Variants in GRK5 observed in about 807,000 individuals in gnomAD.
The protein encoded by GRK5 is G protein-coupled receptor kinase 5, also known as g protein-coupled receptor kinase GRK5.
In GRK5, 40 loss-of-function variants were observed where a neutral mutation model predicts 78.4. The observed-to-expected ratio is 0.51, with a 90% CI of 0.40 to 0.66. The LOEUF is 0.66. Ranked by LOEUF, GRK5 falls within the 30% of genes least tolerant of loss-of-function variation. GRK5 has a pLI of 0.00. For missense variants in GRK5, 598 were observed against 759.9 expected, an observed-to-expected ratio of 0.79 and a Z score of 2.50; for synonymous variants, 289 against 296.8, an observed-to-expected ratio of 0.97 and a Z score of 0.27.
At position 119,423,321 on chromosome 10, in the gene GRK5, C is replaced by T. The variant is rs192393255; in HGVS notation, c.440+55C>T. 4.1e-4 allele frequency: 504 copies of T among 1,214,460 alleles called. 2 individuals carry two copies. In the African/African-American group the frequency reaches 6.6e-3, roughly 16 times the overall value. The allele number at this position is 1,214,460 out of a possible 1,614,324, so 75.2% of individuals were successfully genotyped here. A position where few individuals can be genotyped will look rare whatever the true frequency, so the allele number is the denominator to read the frequency against. ...CCCCGGGCTGCCCAGAGATGGGATGCCGCAGCTCTCCACCTGACCATACAG... is the reference window on the plus strand; with the variant it reads ...CCCCGGGCTGCCCAGAGATGGGATGTCGCAGCTCTCCACCTGACCATACAG... On this transcript the variant is annotated intron_variant, in intron 5 of 15. Coordinates refer to ENST00000392870, the MANE Select transcript of GRK5 (RefSeq NM_005308.3).
chr10:119,438,084 G>A (rs530543816), intron 9 of GRK5, among the ~76,000 whole-genome samples: 69 of 152,320 alleles, frequency 4.5e-4, no homozygotes, highest in Admixed American at 8.5e-4. Context: ...GTGAGACTCC[G>A]TCTCAAAATA....
At chr10:119,303,841 G>A (rs1038144474) in intron 1 of GRK5, among the ~76,000 whole-genome samples, 1 of 152,060 alleles carries the variant, frequency 6.6e-6, no homozygotes, top group Non-Finnish European at 1.5e-5. Flanking sequence ...CATGGAAGGT[G>A]GGGGAGGGAA....
rs186557487 is a variant in GRK5, at chr10:119,349,689, G to A, written c.148+23078G>A. Among the ~76,000 whole-genome samples, 193 of 152,320 alleles carry A rather than the reference G, an allele frequency of 1.3e-3. 2 individuals carry two copies. Among genetic ancestry groups the A allele is most frequent in the South Asian group, 0.012 (56 of 4,832 alleles). ...AGGCCTGGTGACAGCCCTTTCTGGGGTCATTAGCCTGCAGCCAGCTTTTTT... is the reference window on the plus strand; with the variant it reads ...AGGCCTGGTGACAGCCCTTTCTGGGATCATTAGCCTGCAGCCAGCTTTTTT... On this transcript the variant is annotated intron_variant, in intron 2 of 15. Transcript: ENST00000392870.
chr10:119,286,978 G>A (rs1168290833), intron 1 of GRK5, among the ~76,000 whole-genome samples: 1 of 152,008 alleles, frequency 6.6e-6, no homozygotes, highest in Non-Finnish European at 1.5e-5. Flanking sequence ...GTTCACTAAT[G>A]TGTCCCCTGT....
intron 1 of GRK5, among the ~76,000 whole-genome samples, chr10:119,249,115 A>C (rs1252222470): frequency 6.6e-6 from 1 of 151,952 alleles, no homozygotes; most frequent in Non-Finnish European, 1.5e-5. Flanking sequence ...CTAAATATAC[A>C]AAAAAATTAG....
intron 2 of GRK5, among the ~76,000 whole-genome samples, chr10:119,372,018 G>C (rs530363459): frequency 5.9e-5 from 9 of 152,346 alleles, no homozygotes; most frequent in African/African-American, 2.2e-4. Flanking sequence ...GTGGCAGGGA[G>C]CTGTCCTGTG....
intron 2 of GRK5, among the ~76,000 whole-genome samples, chr10:119,355,802 A>G (rs890051873): frequency 2.8e-5 from 4 of 143,022 alleles, no homozygotes; most frequent in Non-Finnish European, 6.3e-5. Flanking sequence ...AACAACAACA[A>G]CAAAACTCCT....
intron 1 of GRK5, among the ~76,000 whole-genome samples, chr10:119,222,288 G>A (rs932847316): frequency 6.7e-6 from 1 of 148,466 alleles, no homozygotes; most frequent in Non-Finnish European, 1.5e-5. Context: ...GGGAGCCATT[G>A]TTCCCATCCT....
chr10:119,292,632 G>A (rs1419355814), intron 1 of GRK5, among the ~76,000 whole-genome samples: 1 of 152,190 alleles, frequency 6.6e-6, no homozygotes. Flanking sequence ...GTCTGTGAGG[G>A]ATTGGTTCCA....
intron 1 of GRK5, among the ~76,000 whole-genome samples, chr10:119,291,386 T>C (rs1849951205): frequency 6.6e-6 from 1 of 152,130 alleles, no homozygotes; most frequent in Admixed American, 6.5e-5. Flanking sequence ...GCAGGCTCCC[T>C]GTGGCCACTG....
intron 1 of GRK5, among the ~76,000 whole-genome samples, chr10:119,295,927 A>C (rs1413571718): frequency 6.6e-6 from 1 of 152,150 alleles, no homozygotes; most frequent in Non-Finnish European, 1.5e-5. Flanking sequence ...GTACCCCAAT[A>C]ACTTATGGGA....
At chr10:119,410,056 C>G (rs886193989) in intron 4 of GRK5, among the ~76,000 whole-genome samples, 2 of 152,270 alleles carry the variant, frequency 1.3e-5, no homozygotes, top group Admixed American at 6.5e-5. Context: ...CCCGCGTGCG[C>G]GGCCTGTGTA....
chr10:119,292,310 TCTC>T (rs1462687731), intron 1 of GRK5, among the ~76,000 whole-genome samples: 2 of 147,012 alleles, frequency 1.4e-5, no homozygotes, highest in South Asian at 2.2e-4. Context: ...TCTTCCTCCT[TCTC>T]CTCCTATTCC....
At chr10:119,441,233 G>T (rs1853028355) in intron 10 of GRK5, among the ~76,000 whole-genome samples, 1 of 152,222 alleles carries the variant, frequency 6.6e-6, no homozygotes, top group South Asian at 2.1e-4. Flanking sequence ...CCGAGCCAGG[G>T]AGTCCACACG....
chr10:119,402,342 A>T (rs1442660120), intron 4 of GRK5, among the ~76,000 whole-genome samples: 1 of 152,094 alleles, frequency 6.6e-6, no homozygotes, highest in African/African-American at 2.4e-5. Flanking sequence ...AGCGGGCCAC[A>T]GTTGGATCTG....
chr10:119,294,994 T>C (rs1051084742), intron 1 of GRK5, among the ~76,000 whole-genome samples: 9 of 151,784 alleles, frequency 5.9e-5, no homozygotes, highest in African/African-American at 2.2e-4. Context: ...ATCGAGACCA[T>C]CCTGGCTAAC....
intron 3 of GRK5, among the ~76,000 whole-genome samples, chr10:119,395,078 C>T (rs1401528244): frequency 2.8e-5 from 4 of 143,736 alleles, no homozygotes; most frequent in African/African-American, 7.5e-5. Flanking sequence ...CAGAGGCCAG[C>T]GCGCCAGTCC....
At chr10:119,222,080 G>A (rs1564853325) in intron 1 of GRK5, among the ~76,000 whole-genome samples, 1 of 152,144 alleles carries the variant, frequency 6.6e-6, no homozygotes, top group South Asian at 2.1e-4. Context: ...AACCCTGTGG[G>A]CCTGGGAATT....
rs1849234776 is a variant in GRK5 at position 119,253,555 on chromosome 10, T to C, written c.52+45586T>C. ...GTGCTGTGATATGCTTGCGGGATGCTGCCCCACCACGGCTGGAACCAGGGC... is the reference window on the plus strand; with the variant it reads ...GTGCTGTGATATGCTTGCGGGATGCCGCCCCACCACGGCTGGAACCAGGGC... On this transcript the variant is annotated intron_variant, in intron 1 of 15. Coordinates refer to ENST00000392870, the MANE Select transcript of GRK5 (RefSeq NM_005308.3). The surrounding 1 kb of genome is among the most constrained non-coding windows in gnomAD (Gnocchi z 5.7). 6.6e-6 allele frequency among the ~76,000 whole-genome samples: 1 copy of C among 152,216 alleles called. No individual in the cohort carries two copies. Among genetic ancestry groups the C allele is most frequent in the Admixed American group, 6.5e-5 (1 of 15,282 alleles).
Sources: gnomAD v4.1 joint callset for allele counts (sites outside exome capture counted in the v4.1 genomes callset) on GRCh38, gnomAD v4.1.1 for gene constraint, Gnocchi (gnomAD v3.1) non-coding constraint, MANE v1.5 for transcripts, NCBI Gene and HGNC (gene_info 2026-07-23, HGNC 2026-07-21) for gene names.